INPP5A: variants seen among roughly 807,000 people sequenced by gnomAD.
INPP5A encodes the protein 43 kDa inositol polyphosphate 5-phophatase.
Under a neutral mutation model 65.2 loss-of-function variants are expected in INPP5A, and 14 were observed. The ratio of observed to expected loss-of-function variants is 0.21; its 90% CI spans 0.14 to 0.34. The LOEUF is 0.34. Among genes scored for constraint, INPP5A ranks in the 10% least tolerant of loss-of-function variants. The pLI is 1.00. For synonymous variants in INPP5A, 207 were observed against 208.3 expected, an observed-to-expected ratio of 0.99 and a Z score of 0.05; for missense variants, 431 against 545.6, an observed-to-expected ratio of 0.79 and a Z score of 2.09.
At chr10:132,544,869 G>GT (rs1185747444) in intron 1 of INPP5A, among the ~76,000 whole-genome samples, 6 of 150,588 alleles carry the variant, frequency 4.0e-5, no homozygotes, top group South Asian at 2.2e-4. Context: ...TTTACTTCCT[G>GT]TTTTTTTATC....
At chr10:132,774,531 G>A (rs573136224) in intron 12 of INPP5A, among the ~76,000 whole-genome samples, 9 of 152,298 alleles carry the variant, frequency 5.9e-5, no homozygotes, top group Non-Finnish European at 1.2e-4. Context: ...GCACTGTGGC[G>A]AAGCCGTGGG....
chr10:132,544,389 C>T (rs1564910439), intron 1 of INPP5A, among the ~76,000 whole-genome samples: 4 of 152,170 alleles, frequency 2.6e-5, no homozygotes, highest in African/African-American at 9.7e-5. Context: ...TCTGCAGGTG[C>T]CCTCCCTGCC....
rs112418906 is a variant in INPP5A, at chr10:132,606,302, C to T, written c.76-1613C>T. On this transcript the variant is annotated intron_variant, in intron 1 of 15. Transcript: ENST00000368594. The stretch of plus-strand genomic sequence containing the variant: ...CGGGTCCTCAGTGGCGGGACAGCGG[C>T]GTGGGTCAGTCGCCTCCCCTCCTGC... Among the ~76,000 whole-genome samples, 1,169 of 147,360 alleles carry T rather than the reference C, an allele frequency of 7.9e-3. 15 individuals carry two copies. The highest frequency in any genetic ancestry group is 0.026 in the African/African-American group (1,077 of 41,018).
At chr10:132,570,525 C>G (rs1394050459) in intron 1 of INPP5A, among the ~76,000 whole-genome samples, 2 of 152,150 alleles carry the variant, frequency 1.3e-5, no homozygotes, top group South Asian at 2.1e-4. Flanking sequence ...GTCCTTGAAC[C>G]CCCGCTGGCC....
At chr10:132,655,666 C>T (rs907305594) in intron 4 of INPP5A, among the ~76,000 whole-genome samples, 1 of 152,266 alleles carries the variant, frequency 6.6e-6, no homozygotes, top group African/African-American at 2.4e-5. Flanking sequence ...AAGTGGAGCC[C>T]TGCAGTGGGA....
At chr10:132,709,396 G>A (rs1242199419) in intron 7 of INPP5A, among the ~76,000 whole-genome samples, 1 of 144,588 alleles carries the variant, frequency 6.9e-6, no homozygotes, top group African/African-American at 2.6e-5. Flanking sequence ...AGAGGAGGAG[G>A]GAGGAAGGAG....
intron 13 of INPP5A, among the ~76,000 whole-genome samples, chr10:132,779,986 A>G (rs190328514): frequency 2.4e-3 from 364 of 152,382 alleles, no homozygotes; most frequent in African/African-American, 8.2e-3. Flanking sequence ...GTAAATTACC[A>G]CGCTGCGTTT....
intron 1 of INPP5A, among the ~76,000 whole-genome samples, chr10:132,571,973 TCTGTCTCA>T (rs2071346830): frequency 6.6e-6 from 1 of 152,152 alleles, no homozygotes; most frequent in Admixed American, 6.5e-5. Context: ...GCTGTGCCCC[TCTGTCTCA>T]CTGTTTCCTG....
chr10:132,758,962 C>T (rs907802428), intron 11 of INPP5A, among the ~76,000 whole-genome samples: 1 of 152,242 alleles, frequency 6.6e-6, no homozygotes, highest in Non-Finnish European at 1.5e-5. Flanking sequence ...ATTTTTCTGC[C>T]ATCACGTTTC....
At chr10:132,541,054 T>C (rs2070900548) in intron 1 of INPP5A, among the ~76,000 whole-genome samples, 1 of 146,248 alleles carries the variant, frequency 6.8e-6, no homozygotes, top group African/African-American at 2.5e-5. Flanking sequence ...GCTGTAGTGG[T>C]GCGGTCACAA....
At position 132,587,072 on chromosome 10, in the gene INPP5A, G is replaced by A. The variant is rs571228574; in HGVS notation, c.76-20843G>A. ...GCAAGATCACTGTCACTAGGACTGC[G>A]TGTATTCCAGTCACAGCTGAGCCAT... On this transcript the variant is annotated intron_variant, in intron 1 of 15. Transcript: ENST00000368594. The surrounding 1 kb of genome is among the most constrained non-coding windows in gnomAD (Gnocchi z 4.3). Among the ~76,000 whole-genome samples the A allele has an allele frequency of 1.2e-4, 18 of 152,326 alleles. No homozygotes were observed. In the East Asian group the frequency reaches 1.9e-3, roughly 16 times the overall value.
Position 132,697,689 on chromosome 10 carries a change from G to A in INPP5A, c.371-127G>A. On this transcript the variant is annotated intron_variant, in intron 5 of 15. Coordinates refer to ENST00000368594, the MANE Select transcript of INPP5A (RefSeq NM_005539.5). This position sits in a 1 kb window ranked among gnomAD's most constrained non-coding sequence, Gnocchi z 5.6. ...TGTTCTGGGTCGGACCCCTCATCAG[G>A]GCCTCCTCTCGGGGGGCCTCTCTGG... The A allele has an allele frequency of 1.5e-6, 1 of 663,428 alleles. No individual in the cohort carries two copies. Among genetic ancestry groups the A allele is most frequent in the Non-Finnish European group, 2.7e-6 (1 of 370,544 alleles). 41.1% of individuals were successfully genotyped at this position (663,428 alleles called of 1,614,324 possible). A position where few individuals can be genotyped will look rare whatever the true frequency, so the allele number is the denominator to read the frequency against.
chr10:132,773,087 C>T (rs1272272139), intron 12 of INPP5A, among the ~76,000 whole-genome samples: 1 of 152,248 alleles, frequency 6.6e-6, no homozygotes, highest in Non-Finnish European at 1.5e-5. Context: ...CCGGTGGAGG[C>T]CTCTGGGCTG....
At chr10:132,756,456 T>C (rs570951604) in intron 11 of INPP5A, among the ~76,000 whole-genome samples, 35 of 152,210 alleles carry the variant, frequency 2.3e-4, no homozygotes, top group African/African-American at 8.2e-4. Context: ...GTCGTTTCAG[T>C]CAACAACAGA....
chr10:132,557,333 G>A (rs1213559261), intron 1 of INPP5A, among the ~76,000 whole-genome samples: 1 of 152,364 alleles, frequency 6.6e-6, no homozygotes, highest in African/African-American at 2.4e-5. Context: ...GGCAGATGTG[G>A]GCTCCTGCAG....
In INPP5A at chr10:132,755,338, G is replaced by C. The variant is rs117274250; in HGVS notation, c.903+5493G>C. On this transcript the variant is annotated intron_variant, in intron 11 of 15. Coordinates refer to ENST00000368594, the MANE Select transcript of INPP5A (RefSeq NM_005539.5). ...TTGAGTGGGCGAGTGTGTGAGCTGTGTGAGCGTGTGTGTGAGCAGACATGC... is the reference window on the plus strand; with the variant it reads ...TTGAGTGGGCGAGTGTGTGAGCTGTCTGAGCGTGTGTGTGAGCAGACATGC... Among the ~76,000 whole-genome samples the C allele has an allele frequency of 3.3e-3, 499 of 149,434 alleles. 1 individual carries two copies. Among genetic ancestry groups the C allele is most frequent in the Middle Eastern group, 7.0e-3 (2 of 286 alleles).
intron 1 of INPP5A, among the ~76,000 whole-genome samples, chr10:132,606,218 G>A (rs538588369): frequency 1.4e-4 from 21 of 150,836 alleles, no homozygotes; most frequent in East Asian, 7.8e-4. Context: ...GGCTGTCCAC[G>A]TGGGCTGAGG....
At chr10:132,734,204 G>T (rs1250349354) in intron 9 of INPP5A, among the ~76,000 whole-genome samples, 2 of 152,192 alleles carry the variant, frequency 1.3e-5, no homozygotes, top group Non-Finnish European at 2.9e-5. Flanking sequence ...TGACGCAGAA[G>T]CATCACCTCT....
At chr10:132,751,295 G>A (rs1301424118) in intron 11 of INPP5A, among the ~76,000 whole-genome samples, 1 of 152,226 alleles carries the variant, frequency 6.6e-6, no homozygotes, top group South Asian at 2.1e-4. Context: ...CCCCACTGGG[G>A]TCGGGTCAGG....
Sources: allele counts gnomAD v4.1 joint callset (sites outside exome capture counted in the v4.1 genomes callset), GRCh38; gene constraint gnomAD v4.1.1; non-coding constraint Gnocchi (gnomAD v3.1); transcripts MANE v1.5; gene names NCBI Gene and HGNC (gene_info 2026-07-23, HGNC 2026-07-21).